BAZ1A: variants seen among roughly 807,000 people sequenced by gnomAD.
BAZ1A encodes bromodomain adjacent to zinc finger domain protein 1A.
In BAZ1A, 50 loss-of-function variants were observed where a neutral mutation model predicts 185.2. The observed-to-expected ratio is 0.27, with a 90% CI of 0.22 to 0.34. The LOEUF (loss-of-function observed/expected upper bound fraction) is 0.34. Among genes scored for constraint, BAZ1A ranks in the 10% least tolerant of loss-of-function variants. The probability of loss-of-function intolerance (pLI) is 1.00; values close to 1 mark genes in which losing one functional copy is unlikely to be tolerated. For missense variants in BAZ1A, 1,356 were observed against 1,839.9 expected, an observed-to-expected ratio of 0.74 and a Z score of 4.81; for synonymous variants, 571 against 615.6, an observed-to-expected ratio of 0.93 and a Z score of 1.07.
chr14:34,799,550 ACAAT>A (rs1881391283), intron 9 of BAZ1A, among the ~76,000 whole-genome samples: 1 of 152,280 alleles, frequency 6.6e-6, no homozygotes, highest in South Asian at 2.1e-4. Flanking sequence ...ACTGGAAACC[ACAAT>A]CAAAGATTTG....
intron 18 of BAZ1A, 39 bp downstream of exon 18, chr14:34,775,880 A>AG (rs1741839203): frequency 6.8e-7 from 1 of 1,478,988 alleles, no homozygotes; most frequent in Non-Finnish European, 9.2e-7. Flanking sequence ...GATTAGGGGG[A>AG]GGGAAAAAAA....
intron 5 of BAZ1A, among the ~76,000 whole-genome samples, chr14:34,810,649 A>G (rs2041916600): frequency 1.3e-5 from 2 of 151,954 alleles, no homozygotes; most frequent in Non-Finnish European, 2.9e-5. Flanking sequence ...TAATAGAGAC[A>G]GGGTCTTGCC....
intron 16 of BAZ1A, 84 bp from the exon 17 acceptor site, chr14:34,780,394 C>A: frequency 7.1e-7 from 1 of 1,400,458 alleles, no homozygotes; most frequent in South Asian, 1.4e-5. Context: ...TATGAAGTAC[C>A]AGGCATTATA....
intron 20 of BAZ1A, among the ~76,000 whole-genome samples, chr14:34,772,116 G>A (rs1337883482): frequency 2.6e-5 from 4 of 151,844 alleles, no homozygotes; most frequent in South Asian, 4.2e-4. Flanking sequence ...CACCGTGCCC[G>A]GCTAATTTTT....
At chr14:34,770,815 T>C (rs914282096) in intron 21 of BAZ1A, among the ~76,000 whole-genome samples, 2 of 152,186 alleles carry the variant, frequency 1.3e-5, no homozygotes, top group Non-Finnish European at 2.9e-5. Context: ...TTTAAACACT[T>C]GGTATTTCTG....
intron 4 of BAZ1A, among the ~76,000 whole-genome samples, chr14:34,815,354 T>G (rs2041990487): frequency 6.6e-6 from 1 of 152,208 alleles, no homozygotes; most frequent in Non-Finnish European, 1.5e-5. Flanking sequence ...ACCTACAAGA[T>G]AGAAACTACA....
intron 3 of BAZ1A, among the ~76,000 whole-genome samples, chr14:34,832,528 C>T (rs1169704259): frequency 6.7e-6 from 1 of 150,124 alleles, no homozygotes; most frequent in Non-Finnish European, 1.5e-5. Context: ...CAAGAAGATA[C>T]AAACAGCAAT....
chr14:34,756,001 CTTTTTTT>C (rs146543442), intron 25 of BAZ1A, among the ~76,000 whole-genome samples: 1 of 143,002 alleles, frequency 7.0e-6, no homozygotes, highest in South Asian at 2.2e-4. Context: ...TTTTCTTTTT[CTTTTTTT>C]TTTTGTATTT....
intron 3 of BAZ1A, among the ~76,000 whole-genome samples, chr14:34,844,015 C>A (rs1231404175): frequency 2.1e-5 from 3 of 140,902 alleles, no homozygotes; most frequent in Non-Finnish European, 4.6e-5. Flanking sequence ...ACCATCCTGG[C>A]TAACACGGTG....
intron 24 of BAZ1A, among the ~76,000 whole-genome samples, chr14:34,760,862 A>T (rs529021665): frequency 5.9e-5 from 9 of 152,240 alleles, no homozygotes; most frequent in African/African-American, 1.9e-4. Context: ...CAATAAAATT[A>T]AAAAATCAAA....
chr14:34,756,364 C>G (rs575122323), intron 25 of BAZ1A, among the ~76,000 whole-genome samples: 132 of 151,682 alleles, frequency 8.7e-4, no homozygotes, highest in African/African-American at 3.0e-3. Flanking sequence ...ATCTGCCCAC[C>G]TCGGCCTCCC....
Position 34,874,252 on chromosome 14 carries a change from C to G in BAZ1A, c.113+240G>C. The G allele has an allele frequency of 2.4e-6, 1 of 419,350 alleles. No individual in the cohort carries two copies. The allele number at this position is 419,350 out of a possible 1,614,324, so 26.0% of individuals were successfully genotyped here. A position where few individuals can be genotyped will look rare whatever the true frequency, so the allele number is the denominator to read the frequency against. ...GGCTAGGAGCGGTCCCCGAGGCCGG[C>G]CAGGGACCCAGCCTCCTCCGCCACT... On this transcript the variant is annotated intron_variant, in intron 2 of 26. Coordinates refer to ENST00000360310, the MANE Select transcript of BAZ1A (RefSeq NM_013448.3). This position sits in a 1 kb window ranked among gnomAD's most constrained non-coding sequence, Gnocchi z 4.7.
intron 3 of BAZ1A, among the ~76,000 whole-genome samples, chr14:34,838,986 A>G (rs1028216705): frequency 2.0e-5 from 3 of 152,262 alleles, no homozygotes; most frequent in African/African-American, 7.2e-5. Context: ...AATACTACAC[A>G]AAGCTACAGT....
chr14:34,858,622 T>A (rs2042720814), intron 3 of BAZ1A, among the ~76,000 whole-genome samples: 1 of 151,900 alleles, frequency 6.6e-6, no homozygotes, highest in Non-Finnish European at 1.5e-5. Flanking sequence ...GCCCACAATT[T>A]AAAAAATTTT....
chr14:34,816,745 A>C, intron 4 of BAZ1A: 1 of 372,752 alleles, frequency 2.7e-6, no homozygotes, highest in Non-Finnish European at 5.4e-6. Flanking sequence ...TACTAAAATC[A>C]GATGGAAAAC....
At chr14:34,810,805 T>C in intron 5 of BAZ1A, 130 bp downstream of exon 5, 3 of 698,626 alleles carry the variant, frequency 4.3e-6, no homozygotes, top group Admixed American at 2.8e-5. Context: ...TATGAACATA[T>C]AAATGTACAT....
intron 2 of BAZ1A, among the ~76,000 whole-genome samples, chr14:34,868,112 T>G (rs2042890736): frequency 6.6e-6 from 1 of 152,254 alleles, no homozygotes; most frequent in African/African-American, 2.4e-5. Context: ...GGCATCCTAC[T>G]GGCACAGAGA....
chr14:34,779,192 T>C (rs1180539554), intron 17 of BAZ1A, among the ~76,000 whole-genome samples: 2 of 152,216 alleles, frequency 1.3e-5, no homozygotes, highest in Non-Finnish European at 2.9e-5. Flanking sequence ...TCTAATGTAT[T>C]ATTTCCTTCA....
At chr14:34,811,828 AG>A (rs1360811516) in intron 4 of BAZ1A, among the ~76,000 whole-genome samples, 1 of 152,358 alleles carries the variant, frequency 6.6e-6, no homozygotes. Flanking sequence ...AAATAAAAAA[AG>A]TTCTTGGATT....
Sources: gnomAD v4.1 joint callset for allele counts (sites outside exome capture counted in the v4.1 genomes callset) on GRCh38, gnomAD v4.1.1 for gene constraint, Gnocchi (gnomAD v3.1) non-coding constraint, MANE v1.5 for transcripts, NCBI Gene and HGNC (gene_info 2026-07-23, HGNC 2026-07-21) for gene names.